Variants in BTRC observed in about 807,000 individuals in gnomAD.
BTRC encodes the protein F-box/WD repeat-containing protein 1A.
A neutral mutation model predicts 85.5 loss-of-function variants in BTRC; 42 were observed. The ratio of observed to expected loss-of-function variants is 0.49; its 90% CI spans 0.38 to 0.64. BTRC has a LOEUF of 0.64. Among genes scored for constraint, BTRC ranks in the 30% least tolerant of loss-of-function variants. The pLI is 0.00. For synonymous variants in BTRC, 255 were observed against 263.3 expected, an observed-to-expected ratio of 0.97 and a Z score of 0.30; for missense variants, 594 against 743.5, an observed-to-expected ratio of 0.80 and a Z score of 2.34.
At chr10:101,459,678 AAG>A (rs1286420586) in intron 2 of BTRC, among the ~76,000 whole-genome samples, 1 of 152,206 alleles carries the variant, frequency 6.6e-6, no homozygotes, top group African/African-American at 2.4e-5. Context: ...AGGAACTCCT[AAG>A]AAGCTCTGTG....
intron 4 of BTRC, among the ~76,000 whole-genome samples, chr10:101,492,242 G>T (rs1946151831): frequency 6.6e-6 from 1 of 152,008 alleles, no homozygotes; most frequent in Non-Finnish European, 1.5e-5. Flanking sequence ...TACAGTTTTG[G>T]GTTTGTTTGT....
At chr10:101,460,559 A>G (rs953781078) in intron 2 of BTRC, among the ~76,000 whole-genome samples, 1 of 152,218 alleles carries the variant, frequency 6.6e-6, no homozygotes, top group African/African-American at 2.4e-5. Context: ...ACCTCATAAG[A>G]TATTTCTGCC....
intron 1 of BTRC, among the ~76,000 whole-genome samples, chr10:101,362,321 C>T (rs1230666111): frequency 2.6e-5 from 4 of 151,964 alleles, no homozygotes; most frequent in African/African-American, 9.7e-5. Flanking sequence ...TTCAGGGTAT[C>T]TGATTTTGCC....
At chr10:101,549,340 A>G (rs1323970799) in intron 13 of BTRC, among the ~76,000 whole-genome samples, 1 of 151,402 alleles carries the variant, frequency 6.6e-6, no homozygotes, top group African/African-American at 2.4e-5. Context: ...CTTAAGCAGG[A>G]AAATCACTTG....
At chr10:101,489,278 A>G (rs1488469206) in intron 4 of BTRC, among the ~76,000 whole-genome samples, 2 of 152,080 alleles carry the variant, frequency 1.3e-5, no homozygotes, top group African/African-American at 4.8e-5. Flanking sequence ...CAGAATCAAG[A>G]ATAAAAGCAA....
At chr10:101,489,317 T>C (rs1946069467) in intron 4 of BTRC, among the ~76,000 whole-genome samples, 1 of 152,194 alleles carries the variant, frequency 6.6e-6, no homozygotes, top group Non-Finnish European at 1.5e-5. Flanking sequence ...AGTCTGATGC[T>C]ACTGTGCATA....
intron 1 of BTRC, among the ~76,000 whole-genome samples, chr10:101,355,342 A>G (rs1334270062): frequency 6.6e-6 from 1 of 152,170 alleles, no homozygotes; most frequent in Non-Finnish European, 1.5e-5. Flanking sequence ...GTGAGCAAAG[A>G]TTGGATTTTG....
intron 1 of BTRC, among the ~76,000 whole-genome samples, chr10:101,414,305 T>A (rs1943865215): frequency 6.6e-6 from 1 of 152,114 alleles, no homozygotes; most frequent in South Asian, 2.1e-4. Flanking sequence ...AGCTGAAAAA[T>A]TCCTATCACC....
chr10:101,403,869 A>T (rs980340853), intron 1 of BTRC, among the ~76,000 whole-genome samples: 2 of 151,830 alleles, frequency 1.3e-5, no homozygotes, highest in Non-Finnish European at 2.9e-5. Context: ...TGCTGGGATT[A>T]TAGGTGTGAG....
chr10:101,483,548 G>A (rs929983933), intron 4 of BTRC, among the ~76,000 whole-genome samples: 5 of 151,996 alleles, frequency 3.3e-5, no homozygotes, highest in South Asian at 2.1e-4. Flanking sequence ...AGCTGAGATC[G>A]TGCCACAGCA....
intron 5 of BTRC, among the ~76,000 whole-genome samples, chr10:101,525,522 C>A (rs1388526462): frequency 6.6e-6 from 1 of 152,118 alleles, no homozygotes; most frequent in South Asian, 2.1e-4. Flanking sequence ...TAACCCAGCA[C>A]ATTCTGACTT....
rs1025487005 is a variant in BTRC, at chr10:101,375,662, C to G, written c.48+21434C>G. On this transcript the variant is annotated intron_variant, in intron 1 of 14. Transcript: ENST00000370187. The stretch of plus-strand genomic sequence containing the variant: ...TCAAAAGTGGAACTGGGAAACCTAG[C>G]AAGGAACTAAATAATTGATTCATTC... Among the ~76,000 whole-genome samples, 4 of 152,164 alleles carry G rather than the reference C, an allele frequency of 2.6e-5. No homozygotes were observed. The South Asian group carries it at 8.3e-4, about 32-fold the overall frequency.
chr10:101,535,308 C>G (rs1202518577), intron 10 of BTRC, 46 bp from the exon 11 acceptor site: 1 of 1,436,660 alleles, frequency 7.0e-7, no homozygotes, highest in Non-Finnish European at 9.8e-7. Context: ...TAGATTTTAC[C>G]AATAAAAGCA....
chr10:101,378,587 C>T (rs1390827982), intron 1 of BTRC, among the ~76,000 whole-genome samples: 4 of 146,512 alleles, frequency 2.7e-5, no homozygotes, highest in African/African-American at 7.6e-5. Context: ...TGCAGTGGCG[C>T]GATCTTGGTG....
At chr10:101,471,484 G>A (rs898668855) in intron 3 of BTRC, among the ~76,000 whole-genome samples, 3 of 152,102 alleles carry the variant, frequency 2.0e-5, no homozygotes, top group Admixed American at 2.0e-4. Flanking sequence ...AAATTACCTT[G>A]ATTTTTGTTA....
intron 4 of BTRC, among the ~76,000 whole-genome samples, chr10:101,483,793 T>A (rs529406713): frequency 2.6e-5 from 4 of 152,220 alleles, no homozygotes; most frequent in Non-Finnish European, 4.4e-5. Context: ...CATTATTAAC[T>A]GTCAACTTAG....
chr10:101,531,439 T>G (rs1447081443), intron 7 of BTRC, 106 bp downstream of exon 7: 25 of 857,024 alleles, frequency 2.9e-5, no homozygotes, highest in Non-Finnish European at 4.3e-5. Context: ...TTGACATGAG[T>G]TGGGAATCAA....
chr10:101,504,827 A>T (rs1387359972), intron 4 of BTRC, among the ~76,000 whole-genome samples: 3 of 151,946 alleles, frequency 2.0e-5, no homozygotes, highest in Non-Finnish European at 4.4e-5. Flanking sequence ...AACAGCAAAG[A>T]TTAATTTTGC....
At chr10:101,421,557 G>C (rs911360451) in intron 1 of BTRC, among the ~76,000 whole-genome samples, 1 of 151,154 alleles carries the variant, frequency 6.6e-6, no homozygotes, top group African/African-American at 2.4e-5. Flanking sequence ...ATGTTGGTGT[G>C]CTGCACCCAT....
Sources: allele counts gnomAD v4.1 joint callset (sites outside exome capture counted in the v4.1 genomes callset), GRCh38; gene constraint gnomAD v4.1.1; transcripts MANE v1.5; gene names NCBI Gene and HGNC (gene_info 2026-07-23, HGNC 2026-07-21).